The following GPC6 variants were observed in gnomAD, a reference collection of about 807,000 sequenced individuals.
GPC6 encodes the protein glypican-6.
Under a neutral mutation model 55.2 loss-of-function variants are expected in GPC6, and 14 were observed. That is an observed-to-expected ratio of 0.25 (90% confidence interval 0.17 to 0.40). GPC6 has a LOEUF of 0.40. GPC6 is among the 10% of genes least tolerant of loss of function. GPC6 has a pLI of 1.00. For missense variants in GPC6, 641 were observed against 708.5 expected, an observed-to-expected ratio of 0.90 and a Z score of 1.08; for synonymous variants, 278 against 259.6, an observed-to-expected ratio of 1.07 and a Z score of -0.68.
chr13:93,264,036 C>G (rs1276858750), intron 1 of GPC6, among the ~76,000 whole-genome samples: 5 of 152,080 alleles, frequency 3.3e-5, no homozygotes, highest in African/African-American at 1.2e-4. Context: ...TAGCTCCTGG[C>G]CTATCCCTGC....
At chr13:94,318,405 A>T (rs1876649446) in intron 6 of GPC6, among the ~76,000 whole-genome samples, 1 of 152,164 alleles carries the variant, frequency 6.6e-6, no homozygotes, top group South Asian at 2.1e-4. Flanking sequence ...AGTTTCATTT[A>T]TAAATTAGGC....
At chr13:94,272,372 G>A (rs1268498146) in intron 4 of GPC6, among the ~76,000 whole-genome samples, 1 of 151,784 alleles carries the variant, frequency 6.6e-6, no homozygotes, top group East Asian at 1.9e-4. Context: ...ACTGCAATAT[G>A]CTGGTGAAAA....
intron 3 of GPC6, among the ~76,000 whole-genome samples, chr13:93,891,166 A>ATAGGGT (rs1258739699): frequency 2.0e-5 from 3 of 152,148 alleles, no homozygotes; most frequent in Non-Finnish European, 4.4e-5. Context: ...CTATTACTTT[A>ATAGGGT]ATGTTCACAG....
intron 1 of GPC6, among the ~76,000 whole-genome samples, chr13:93,261,983 A>G (rs1332902771): frequency 6.6e-6 from 1 of 151,312 alleles, no homozygotes; most frequent in Non-Finnish European, 1.5e-5. Flanking sequence ...TATATTATAT[A>G]TTTTGTTAAT....
rs996444849 is a variant in GPC6, at chr13:94,407,630, C to T, written c.*4413C>T. ...CAAATGTGTATGGAAAATACTGTAG[C>T]GCTGTTCTTTTGTACTGATTTCTTC... On this transcript the variant is annotated 3_prime_UTR_variant, in exon 9 of 9. Transcript: ENST00000377047. Among the ~76,000 whole-genome samples the T allele has an allele frequency of 5.3e-5, 8 of 152,082 alleles. No individual in the cohort carries two copies. The highest frequency in any genetic ancestry group is 2.6e-4 in the Admixed American group (4 of 15,274).
intron 4 of GPC6, among the ~76,000 whole-genome samples, chr13:94,117,098 A>G (rs562491251): frequency 6.8e-4 from 104 of 152,216 alleles, no homozygotes; most frequent in African/African-American, 2.4e-3. Context: ...TGTTAATTCC[A>G]TAACAATCAT....
rs539585050 is a variant in GPC6, at chr13:94,157,423, C to CTATG, written c.878-128926_878-128925insTATG. Among the ~76,000 whole-genome samples, 50 of 152,216 alleles carry CTATG rather than the reference C, an allele frequency of 3.3e-4. No homozygotes were observed. In the South Asian group the frequency reaches 6.4e-3, roughly 20 times the overall value. ...TCATAGAAACCTTCGTGATAGGAGTCAAAGCCCAGGTGGGCTTGAAAGGAT... is the reference window on the plus strand; with the variant it reads ...TCATAGAAACCTTCGTGATAGGAGTCTATGAAAGCCCAGGTGGGCTTGAAAGGAT... On this transcript the variant is annotated intron_variant, in intron 4 of 8. Transcript: ENST00000377047.
intron 1 of GPC6, among the ~76,000 whole-genome samples, chr13:93,298,789 G>A (rs1878580206): frequency 6.6e-6 from 1 of 151,664 alleles, no homozygotes; most frequent in Non-Finnish European, 1.5e-5. Flanking sequence ...CGTACTGCCT[G>A]ACGTGGATTT....
At chr13:94,244,670 A>AG (rs1483119460) in intron 4 of GPC6, among the ~76,000 whole-genome samples, 1 of 152,110 alleles carries the variant, frequency 6.6e-6, no homozygotes, top group African/African-American at 2.4e-5. Flanking sequence ...ATGAGAGATG[A>AG]GAATAAAAGA....
chr13:93,245,794 C>A lies in GPC6; in HGVS notation c.160+18178C>A, dbSNP rs76855083. ...ACAAGTTGTACTACTTAGATCTCCC[C>A]GCATACTTTAAAAAGTTTACATGAG... On this transcript the variant is annotated intron_variant, in intron 1 of 8. Transcript: ENST00000377047. Among the ~76,000 whole-genome samples, 3 of 152,250 alleles carry A rather than the reference C, an allele frequency of 2.0e-5. No individual in the cohort carries two copies. In the East Asian group the frequency reaches 5.8e-4, roughly 29 times the overall value.
At chr13:93,509,777 A>G (rs979602316) in intron 1 of GPC6, among the ~76,000 whole-genome samples, 12 of 152,218 alleles carry the variant, frequency 7.9e-5, no homozygotes, top group African/African-American at 2.7e-4. Context: ...TGAGAAAAAG[A>G]AAACTCTCAA....
At chr13:93,452,705 T>C (rs1878275365) in intron 1 of GPC6, among the ~76,000 whole-genome samples, 3 of 152,224 alleles carry the variant, frequency 2.0e-5, no homozygotes, top group Admixed American at 2.0e-4. Flanking sequence ...TTTGAACAAC[T>C]AAGACATATT....
chr13:93,235,614 G>T (rs950142428), intron 1 of GPC6, among the ~76,000 whole-genome samples: 7 of 152,062 alleles, frequency 4.6e-5, no homozygotes, highest in Middle Eastern at 3.2e-3. Flanking sequence ...ATAAGGCCAT[G>T]AGAGAAGGAA....
intron 4 of GPC6, among the ~76,000 whole-genome samples, chr13:94,279,356 T>C (rs1451534827): frequency 7.1e-6 from 1 of 140,860 alleles, no homozygotes; most frequent in Non-Finnish European, 1.5e-5. Flanking sequence ...TAGCAGTCTA[T>C]CTATTTTGTT....
intron 3 of GPC6, among the ~76,000 whole-genome samples, chr13:93,856,668 A>G (rs1444007086): frequency 6.6e-6 from 1 of 151,670 alleles, no homozygotes; most frequent in Non-Finnish European, 1.5e-5. Flanking sequence ...GATATTTTCA[A>G]GGTGGACATG....
chr13:94,127,577 A>G (rs1469125069), intron 4 of GPC6, among the ~76,000 whole-genome samples: 1 of 152,152 alleles, frequency 6.6e-6, no homozygotes, highest in Non-Finnish European at 1.5e-5. Flanking sequence ...GTGTTTCTTT[A>G]CAACAATGCA....
chr13:93,603,872 A>T (rs1328154808), intron 2 of GPC6, among the ~76,000 whole-genome samples: 1 of 152,216 alleles, frequency 6.6e-6, no homozygotes, highest in Non-Finnish European at 1.5e-5. Flanking sequence ...TGCAATAGAC[A>T]TTTATCTATG....
chr13:93,777,920 C>A (rs1053247938), intron 2 of GPC6, among the ~76,000 whole-genome samples: 3 of 152,114 alleles, frequency 2.0e-5, no homozygotes, highest in Admixed American at 1.3e-4. Context: ...AAGGGAAAAG[C>A]AAGTTATCAA....
At chr13:93,535,686 A>C (rs76051588) in intron 1 of GPC6, among the ~76,000 whole-genome samples, 7 of 147,386 alleles carry the variant, frequency 4.7e-5, no homozygotes, top group African/African-American at 1.8e-4. Flanking sequence ...TTTTTTAGGA[A>C]AAAAAAAAAA....
Sources: allele counts gnomAD v4.1 joint callset (sites outside exome capture counted in the v4.1 genomes callset), GRCh38; gene constraint gnomAD v4.1.1; transcripts MANE v1.5; gene names NCBI Gene and HGNC (gene_info 2026-07-23, HGNC 2026-07-21).